The following CCBE1 variants were observed in gnomAD, a reference collection of about 807,000 sequenced individuals.
CCBE1 encodes collagen and calcium binding EGF domains 1, also known as collagen and calcium-binding EGF domain-containing protein 1.
In CCBE1, 37 loss-of-function variants were observed where a neutral mutation model predicts 50.0. The ratio of observed to expected loss-of-function variants is 0.74; its 90% CI spans 0.57 to 0.97. The LOEUF (loss-of-function observed/expected upper bound fraction) is 0.97. Ranked by LOEUF, CCBE1 falls within the 50% of genes least tolerant of loss-of-function variation. The pLI, the probability that CCBE1 is intolerant of heterozygous loss-of-function variation, is 0.00. For missense variants in CCBE1, 538 were observed against 523.8 expected (o/e 1.03, Z -0.26); for synonymous variants, 234 against 203.7 (o/e 1.15, Z -1.27).
intron 2 of CCBE1, among the ~76,000 whole-genome samples, chr18:59,515,675 G>C (rs930338456): frequency 1.2e-4 from 18 of 152,154 alleles, no homozygotes; most frequent in African/African-American, 3.9e-4. Context: ...GCTCTATGTT[G>C]CTCCCCTCTA....
chr18:59,559,988 G>A (rs1203085712), intron 2 of CCBE1, among the ~76,000 whole-genome samples: 5 of 152,250 alleles, frequency 3.3e-5, no homozygotes, highest in Admixed American at 6.5e-5. Flanking sequence ...TCACAGTGTT[G>A]CTGCAGGGCT....
intron 2 of CCBE1, among the ~76,000 whole-genome samples, chr18:59,657,862 G>T (rs2144679678): frequency 6.6e-6 from 1 of 150,690 alleles, no homozygotes; most frequent in Non-Finnish European, 1.5e-5. Context: ...CTGCACTCCA[G>T]CCTGGGCAAC....
chr18:59,528,506 T>TG (rs1410771782), intron 2 of CCBE1, among the ~76,000 whole-genome samples: 2 of 152,232 alleles, frequency 1.3e-5, no homozygotes, highest in African/African-American at 2.4e-5. Flanking sequence ...TCTGTGCCCT[T>TG]GCTGGAGAGG....
chr18:59,654,705 T>C (rs1466907215), intron 2 of CCBE1, among the ~76,000 whole-genome samples: 1 of 150,902 alleles, frequency 6.6e-6, no homozygotes, highest in African/African-American at 2.4e-5. Context: ...GGCAGAAGAA[T>C]TGCTTGAACC....
At chr18:59,548,517 G>A (rs988616967) in intron 2 of CCBE1, among the ~76,000 whole-genome samples, 13 of 152,222 alleles carry the variant, frequency 8.5e-5, no homozygotes, top group South Asian at 2.1e-4. Flanking sequence ...CTGACAAGAC[G>A]CAATCATATA....
intron 2 of CCBE1, among the ~76,000 whole-genome samples, chr18:59,620,635 GCCATT>G (rs2053699421): frequency 2.0e-5 from 3 of 152,134 alleles, no homozygotes; most frequent in African/African-American, 7.2e-5. Flanking sequence ...TCTTTCCCAT[GCCATT>G]CTCATAATAG....
intron 2 of CCBE1, among the ~76,000 whole-genome samples, chr18:59,582,709 C>T (rs2053103769): frequency 6.6e-6 from 1 of 152,212 alleles, no homozygotes; most frequent in African/African-American, 2.4e-5. Context: ...ACTATCTACC[C>T]TGCTCCCAAA....
chr18:59,459,734 T>G (rs931462534), intron 5 of CCBE1, among the ~76,000 whole-genome samples: 1 of 152,232 alleles, frequency 6.6e-6, no homozygotes, highest in Non-Finnish European at 1.5e-5. Flanking sequence ...TGCAGATTTG[T>G]GTTCTGGCTG....
intron 2 of CCBE1, among the ~76,000 whole-genome samples, chr18:59,669,818 G>C (rs563887254): frequency 1.3e-5 from 2 of 152,328 alleles, no homozygotes; most frequent in African/African-American, 4.8e-5. Flanking sequence ...ACCTAGGATA[G>C]ATTAACTATA....
In CCBE1 at chr18:59,500,820, A is replaced by G. The variant is rs768899412; in HGVS notation, c.213-20582T>C. Among the ~76,000 whole-genome samples the G allele has an allele frequency of 6.6e-5, 10 of 152,120 alleles. 1 individual carries two copies. Among genetic ancestry groups the G allele is most frequent in the African/African-American group, 1.4e-4 (6 of 41,400 alleles). ...TGCCCTTCTTCCAAAGACTGTTCCT[A>G]CTGCTGTTGGATCCCTCCTCCCTGT... On this transcript the variant is annotated intron_variant, in intron 2 of 10. Transcript: ENST00000439986.
chr18:59,602,849 A>G (rs1449766437), intron 2 of CCBE1, among the ~76,000 whole-genome samples: 1 of 152,236 alleles, frequency 6.6e-6, no homozygotes, highest in African/African-American at 2.4e-5. Context: ...GGCGCAGCCT[A>G]ATGGTTAAGA....
chr18:59,485,812 G>A (rs948747464), intron 2 of CCBE1, among the ~76,000 whole-genome samples: 5 of 151,788 alleles, frequency 3.3e-5, no homozygotes, highest in South Asian at 4.2e-4. Flanking sequence ...TGTTGGCCAC[G>A]CTGGTCTCGA....
intron 2 of CCBE1, chr18:59,688,047 A>G (rs1171914405): frequency 6.6e-6 from 1 of 152,244 alleles, no homozygotes; most frequent in East Asian, 1.9e-4. Flanking sequence ...ATACATGGAA[A>G]AATATAAAGT....
chr18:59,577,815 T>C (rs772820062), intron 2 of CCBE1, among the ~76,000 whole-genome samples: 19 of 152,216 alleles, frequency 1.2e-4, no homozygotes, highest in Non-Finnish European at 2.4e-4. Context: ...ATAGCTTCAA[T>C]AGAAGATGCC....
intron 2 of CCBE1, among the ~76,000 whole-genome samples, chr18:59,621,410 A>G (rs2053708491): frequency 6.6e-6 from 1 of 152,152 alleles, no homozygotes; most frequent in South Asian, 2.1e-4. Context: ...CATTGGAGTC[A>G]TTGGTTTTAT....
At chr18:59,507,397 C>A (rs1233376663) in intron 2 of CCBE1, among the ~76,000 whole-genome samples, 2 of 152,224 alleles carry the variant, frequency 1.3e-5, no homozygotes, top group East Asian at 1.9e-4. Flanking sequence ...CTCACTGGAG[C>A]TTCCCAGCTC....
chr18:59,495,894 C>T (rs1474234212), intron 2 of CCBE1, among the ~76,000 whole-genome samples: 2 of 152,086 alleles, frequency 1.3e-5, no homozygotes, highest in East Asian at 1.9e-4. Context: ...GTAGATCACA[C>T]GCTGGTCAAC....
chr18:59,694,348 C>A (rs1412738808), intron 2 of CCBE1, among the ~76,000 whole-genome samples: 1 of 152,136 alleles, frequency 6.6e-6, no homozygotes, highest in African/African-American at 2.4e-5. Context: ...TTCAAAGTAA[C>A]CTTTAAAGAC....
chr18:59,534,297 A>G (rs1287476483), intron 2 of CCBE1, among the ~76,000 whole-genome samples: 1 of 152,226 alleles, frequency 6.6e-6, no homozygotes, highest in African/African-American at 2.4e-5. Context: ...AAATCAAAGT[A>G]AAAATGTATT....
Sources: allele counts gnomAD v4.1 joint callset (sites outside exome capture counted in the v4.1 genomes callset), GRCh38; gene constraint gnomAD v4.1.1; transcripts MANE v1.5; gene names NCBI Gene and HGNC (gene_info 2026-07-23, HGNC 2026-07-21).